HTR4: variants seen among roughly 807,000 people sequenced by gnomAD.
The protein encoded by HTR4 is 5-hydroxytryptamine receptor 4.
HTR4 carries 16 observed loss-of-function variants against 36.8 expected under a neutral mutation model. That is an observed-to-expected ratio of 0.43 (90% CI 0.29 to 0.66). The LOEUF (loss-of-function observed/expected upper bound fraction) is 0.66. Ranked by LOEUF, HTR4 falls within the 30% of genes least tolerant of loss-of-function variation. The pLI is 0.13. For missense variants in HTR4, 438 were observed against 490.9 expected (o/e 0.89, Z 1.02); for synonymous variants, 189 against 185.1 (o/e 1.02, Z -0.17).
At chr5:148,639,706 G>A (rs774547682) in intron 1 of HTR4, among the ~76,000 whole-genome samples, 8 of 148,902 alleles carry the variant, frequency 5.4e-5, no homozygotes, top group South Asian at 4.3e-4. Context: ...TCAAGAGGGC[G>A]TAGGACACTG....
At chr5:148,471,174 C>G (rs1469785868) in intron 5 of HTR4, among the ~76,000 whole-genome samples, 1 of 152,122 alleles carries the variant, frequency 6.6e-6, no homozygotes, top group African/African-American at 2.4e-5. Context: ...GATATTATTA[C>G]TGAGTTAGGG....
In HTR4 at chr5:148,481,647, G is replaced by A; in HGVS notation, c.*1556C>T. 2 of 1,494,792 alleles carry A rather than the reference G, an allele frequency of 1.3e-6. No homozygotes were observed. The highest frequency in any genetic ancestry group is 1.8e-6 in the Non-Finnish European group (2 of 1,134,446). The allele number at this position is 1,494,792 out of a possible 1,614,324, so 92.6% of individuals were successfully genotyped here. A position where few individuals can be genotyped will look rare whatever the true frequency, so the allele number is the denominator to read the frequency against. On this transcript the variant is annotated 3_prime_UTR_variant, in exon 7 of 7. Transcript: ENST00000377888. Reference sequence around the variant, plus strand: ...TTCCAGAACTAAAGTAAACAACAATGGAAACAATAACTGACACCTTATAAG... The same window carrying A: ...TTCCAGAACTAAAGTAAACAACAATAGAAACAATAACTGACACCTTATAAG...
chr5:148,485,574 A>G (rs987073660), intron 6 of HTR4, among the ~76,000 whole-genome samples: 11 of 152,196 alleles, frequency 7.2e-5, no homozygotes, highest in Non-Finnish European at 1.2e-4. Flanking sequence ...GCAACACAAT[A>G]TGACTGTGAC....
chr5:148,581,907 A>G (rs1002532854), intron 2 of HTR4, among the ~76,000 whole-genome samples: 2 of 152,096 alleles, frequency 1.3e-5, no homozygotes, highest in Non-Finnish European at 2.9e-5. Context: ...ATTACATTGA[A>G]TCTGTAAGTT....
rs532135439 is a variant in HTR4 at position 148,458,770 on chromosome 5, C to T, written c.1077-7498G>A. Among the ~76,000 whole-genome samples the T allele has an allele frequency of 2.0e-5, 3 of 152,266 alleles. No homozygotes were observed. In the South Asian group the frequency reaches 6.2e-4, roughly 32 times the overall value. Reference sequence around the variant, plus strand: ...AGGGCACAAAGTCAGCAGGGACCCACCACACTAAGGACTGTTGTCCTCGTC... The same window carrying T: ...AGGGCACAAAGTCAGCAGGGACCCATCACACTAAGGACTGTTGTCCTCGTC... On this transcript the variant is annotated intron_variant, in intron 5 of 5. Transcript: ENST00000521530.
At chr5:148,554,307 T>G (rs1307608020) in intron 2 of HTR4, among the ~76,000 whole-genome samples, 1 of 152,172 alleles carries the variant, frequency 6.6e-6, no homozygotes, top group Admixed American at 6.5e-5. Flanking sequence ...ACTTCTGACC[T>G]CAGGTGATCC....
intron 5 of HTR4, among the ~76,000 whole-genome samples, chr5:148,461,523 G>T (rs1466331176): frequency 6.6e-6 from 1 of 151,854 alleles, no homozygotes; most frequent in African/African-American, 2.4e-5. Flanking sequence ...GAGATAAAGA[G>T]GTGCATTACG....
intron 5 of HTR4, among the ~76,000 whole-genome samples, chr5:148,467,919 A>G (rs1755469746): frequency 6.6e-6 from 1 of 152,216 alleles, no homozygotes; most frequent in Non-Finnish European, 1.5e-5. Context: ...TGGTATGGTG[A>G]AAAGGAGTGT....
intron 2 of HTR4, among the ~76,000 whole-genome samples, chr5:148,608,083 C>T (rs1182234371): frequency 6.6e-6 from 1 of 152,178 alleles, no homozygotes; most frequent in African/African-American, 2.4e-5. Context: ...TACCCCAAAT[C>T]TATCCAAAAA....
chr5:148,509,959 G>C lies in HTR4; in HGVS notation c.573C>G (p.Pro191=). The change falls in exon 6 of 7, where the codon CCC becomes CCG. Residue 191 remains proline, a synonymous_variant. Transcript: ENST00000377888. ...CCACCACAGAGCAGGTGATGGCGTA[G>C]GGCTTGTTGACCATGAAGACACAGT... The part of the protein sequence containing the change: ...STYCVFMVNK[P]YAITCSVVAF... 6.2e-7 allele frequency: 1 copy of C among 1,613,898 alleles called. No individual in the cohort carries two copies. The highest frequency in any genetic ancestry group is 8.5e-7 in the Non-Finnish European group (1 of 1,179,960).
chr5:148,482,786 G>C lies in HTR4; in HGVS notation c.*417C>G, dbSNP rs755355975. The C allele has an allele frequency of 2.9e-6, 3 of 1,044,864 alleles. No homozygotes were observed. In the African/African-American group the frequency reaches 5.0e-5, roughly 17 times the overall value. 64.7% of individuals were successfully genotyped at this position (1,044,864 alleles called of 1,614,324 possible). On this transcript the variant is annotated 3_prime_UTR_variant, in exon 7 of 7. Transcript: ENST00000377888. Reference sequence around the variant, plus strand: ...TGGCTAAGACAGGAACAGAGAGGGAGTATTTTGTTGATATCTGGAAGCCCA... The same window carrying C: ...TGGCTAAGACAGGAACAGAGAGGGACTATTTTGTTGATATCTGGAAGCCCA...
At chr5:148,467,461 A>G (rs1235128155) in intron 5 of HTR4, among the ~76,000 whole-genome samples, 1 of 152,194 alleles carries the variant, frequency 6.6e-6, no homozygotes, top group Non-Finnish European at 1.5e-5. Context: ...GTCTGAAATT[A>G]CTGAGCAAAT....
chr5:148,517,089 T>A (rs1757793091), intron 5 of HTR4, among the ~76,000 whole-genome samples: 1 of 152,232 alleles, frequency 6.6e-6, no homozygotes, highest in South Asian at 2.1e-4. Context: ...TTGTATTTAA[T>A]TCAGTATGTT....
Position 148,613,852 on chromosome 5 carries a change from T to C in HTR4, c.26+23137A>G, listed in dbSNP as rs1466602639. On this transcript the variant is annotated intron_variant, in intron 2 of 6. Coordinates refer to ENST00000377888, the MANE Select transcript of HTR4 (RefSeq NM_000870.7). ...GCAAAGTCTCAGGATACAAAATCAATGTGCAAAAATCACAAGCATTCCTAT... is the reference window on the plus strand; with the variant it reads ...GCAAAGTCTCAGGATACAAAATCAACGTGCAAAAATCACAAGCATTCCTAT... Among the ~76,000 whole-genome samples the C allele has an allele frequency of 2.6e-5, 4 of 152,056 alleles. No individual in the cohort carries two copies. The East Asian group carries it at 7.7e-4, about 29-fold the overall frequency.
At chr5:148,575,761 T>C (rs1380428680) in intron 2 of HTR4, among the ~76,000 whole-genome samples, 1 of 152,000 alleles carries the variant, frequency 6.6e-6, no homozygotes, top group Non-Finnish European at 1.5e-5. Context: ...CATATCAATA[T>C]TGATACATTT....
intron 5 of HTR4, among the ~76,000 whole-genome samples, chr5:148,510,738 A>G (rs1757458310): frequency 6.6e-6 from 1 of 152,218 alleles, no homozygotes; most frequent in Non-Finnish European, 1.5e-5. Flanking sequence ...GCACTTTTCT[A>G]GAGTCATTTC....
chr5:148,613,232 G>C (rs1243717777), intron 2 of HTR4, among the ~76,000 whole-genome samples: 2 of 148,546 alleles, frequency 1.3e-5, no homozygotes, highest in Non-Finnish European at 3.0e-5. Flanking sequence ...AACCAAAAAA[G>C]AGAATTTTAG....
chr5:148,462,634 C>T (rs1039594448), intron 5 of HTR4, among the ~76,000 whole-genome samples: 1 of 152,094 alleles, frequency 6.6e-6, no homozygotes, highest in South Asian at 2.1e-4. Context: ...TTAGAAGATA[C>T]AAGCAGAGAG....
At chr5:148,577,242 A>G (rs1760960628) in intron 2 of HTR4, among the ~76,000 whole-genome samples, 2 of 152,144 alleles carry the variant, frequency 1.3e-5, no homozygotes, top group Non-Finnish European at 2.9e-5. Flanking sequence ...ACCATTAGGG[A>G]AATGCAAATT....
Sources: gnomAD v4.1 joint callset for allele counts (sites outside exome capture counted in the v4.1 genomes callset) on GRCh38, gnomAD v4.1.1 for gene constraint, MANE v1.5 for transcripts, NCBI Gene and HGNC (gene_info 2026-07-23, HGNC 2026-07-21) for gene names.